Variants in HRH1 observed in about 807,000 individuals in gnomAD.
HRH1 encodes the protein histamine H1 receptor.
HRH1 carries 6 observed loss-of-function variants against 10.3 expected under a neutral mutation model. The observed-to-expected ratio is 0.58, with a 90% CI of 0.32 to 1.15. HRH1 has a LOEUF of 1.15. Among genes scored for constraint, HRH1 ranks in the 50% most tolerant of loss-of-function variants. The pLI is 0.05. For synonymous variants in HRH1, 242 were observed against 236.7 expected (o/e 1.02, Z -0.21); for missense variants, 514 against 615.3 (o/e 0.84, Z 1.74).
In HRH1 at chr3:11,256,244, A is replaced by G. The variant is rs1057458813; in HGVS notation, c.-35-2759A>G. Among the ~76,000 whole-genome samples the G allele has an allele frequency of 3.3e-5, 5 of 152,118 alleles. No homozygotes were observed. The South Asian group carries it at 8.3e-4, about 25-fold the overall frequency. The stretch of plus-strand genomic sequence containing the variant: ...CAATCAGAGGATTGCTCTGATTGGC[A>G]CCTCAGAGCTGGAGGACATCAAAAA... On this transcript the variant is annotated intron_variant, in intron 1 of 1. Transcript: ENST00000431010.
chr3:11,230,113 G>T (rs989782239), intron 1 of HRH1, among the ~76,000 whole-genome samples: 5 of 152,134 alleles, frequency 3.3e-5, no homozygotes, highest in African/African-American at 1.2e-4. Flanking sequence ...CCTCTAGAAG[G>T]CCAGTGACGG....
chr3:11,180,423 T>G (rs945741516), intron 1 of HRH1, among the ~76,000 whole-genome samples: 1 of 152,132 alleles, frequency 6.6e-6, no homozygotes, highest in Admixed American at 6.5e-5. Context: ...TCCCTCACAA[T>G]GCACAATTAT....
At chr3:11,189,722 G>A (rs552809494) in intron 1 of HRH1, among the ~76,000 whole-genome samples, 2 of 151,618 alleles carry the variant, frequency 1.3e-5, no homozygotes, top group South Asian at 2.1e-4. Flanking sequence ...ACTGGAGTTC[G>A]AGACCAGCCT....
intron 1 of HRH1, among the ~76,000 whole-genome samples, chr3:11,244,833 T>C (rs912594950): frequency 2.0e-5 from 3 of 152,216 alleles, no homozygotes; most frequent in East Asian, 3.8e-4. Context: ...AGTGTAGTAG[T>C]TCAGGGTGCA....
Position 11,232,645 on chromosome 3 carries a change from A to G in HRH1, c.-35-26358A>G, listed in dbSNP as rs566354286. Among the ~76,000 whole-genome samples the G allele has an allele frequency of 6.6e-5, 10 of 152,306 alleles. No homozygotes were observed. In the South Asian group the frequency reaches 2.1e-3, roughly 32 times the overall value. ...TCCACCTTTCCCTATACATTTTAGA[A>G]GAGTCTTGTCTATATCCGTAAGACA... On this transcript the variant is annotated intron_variant, in intron 1 of 1. Coordinates refer to ENST00000431010, the MANE Select transcript of HRH1 (RefSeq NM_001098212.2).
intron 1 of HRH1, among the ~76,000 whole-genome samples, chr3:11,247,381 T>C (rs760599846): frequency 6.6e-6 from 1 of 152,146 alleles, no homozygotes; most frequent in Non-Finnish European, 1.5e-5. Context: ...AAGAGCACAC[T>C]GAGCAGGGTA....
chr3:11,180,344 A>G (rs7615837), intron 1 of HRH1, among the ~76,000 whole-genome samples: 51,678 of 152,016 alleles, frequency 0.34, 12,720 homozygotes, highest in African/African-American at 0.69. Flanking sequence ...GGATGGTTTG[A>G]GGATGAAACT....
In HRH1 at chr3:11,228,817, G is replaced by A. The variant is rs190198694; in HGVS notation, c.-35-30186G>A. 6.9e-4 allele frequency among the ~76,000 whole-genome samples: 105 copies of A among 151,700 alleles called. No homozygotes were observed. In the East Asian group the frequency reaches 0.015, roughly 21 times the overall value. On this transcript the variant is annotated intron_variant, in intron 1 of 1. Coordinates refer to ENST00000431010, the MANE Select transcript of HRH1 (RefSeq NM_001098212.2). ...TTGTCCCAGCTACTCGGGAGGCTGC[G>A]ACAGGAGAATCGCTTGAACCCAGGA...
intron 1 of HRH1, among the ~76,000 whole-genome samples, chr3:11,191,890 C>A (rs2125021737): frequency 6.6e-6 from 1 of 152,352 alleles, no homozygotes; most frequent in African/African-American, 2.4e-5. Flanking sequence ...CCATGTATTT[C>A]CAAACATCCC....
chr3:11,157,983 T>C (rs1936848362), intron 1 of HRH1, among the ~76,000 whole-genome samples: 1 of 152,216 alleles, frequency 6.6e-6, no homozygotes. Flanking sequence ...GGCAGCACAT[T>C]TGTTTTATTC....
intron 1 of HRH1, among the ~76,000 whole-genome samples, chr3:11,209,995 G>A (rs1041623677): frequency 4.6e-5 from 7 of 152,336 alleles, no homozygotes; most frequent in East Asian, 3.9e-4. Context: ...TGCAGTTGTC[G>A]TGAGACACAG....
upstream of HRH1, among the ~76,000 whole-genome samples, chr3:11,150,600 C>A (rs917227888): frequency 2.0e-4 from 30 of 152,260 alleles, no homozygotes; most frequent in Non-Finnish European, 2.9e-5. Context: ...CTCCTCTGTG[C>A]AAATGCAAAG....
intron 1 of HRH1, among the ~76,000 whole-genome samples, chr3:11,168,848 C>G (rs1374781975): frequency 6.6e-6 from 1 of 152,240 alleles, no homozygotes; most frequent in Non-Finnish European, 1.5e-5. Flanking sequence ...AGTGATGTCT[C>G]TCTGGTTGGA....
intron 1 of HRH1, among the ~76,000 whole-genome samples, chr3:11,243,017 G>A (rs1056810287): frequency 6.6e-6 from 1 of 151,976 alleles, no homozygotes; most frequent in Non-Finnish European, 1.5e-5. Context: ...GGGTTCAAGT[G>A]ATTCTCCTGC....
At chr3:11,177,050 G>A (rs1979807) in intron 1 of HRH1, among the ~76,000 whole-genome samples, 29,179 of 151,184 alleles carry the variant, frequency 0.19, 5,284 homozygotes, top group African/African-American at 0.48. Context: ...ACAAGATTGC[G>A]CCACTGCACT....
intron 1 of HRH1, among the ~76,000 whole-genome samples, chr3:11,256,824 C>T (rs929441350): frequency 1.3e-5 from 2 of 152,008 alleles, no homozygotes; most frequent in African/African-American, 2.4e-5. Flanking sequence ...TAAATTTAGC[C>T]TTCTACTCAA....
chr3:11,157,782 A>G (rs1365010649), intron 1 of HRH1, among the ~76,000 whole-genome samples: 2 of 152,244 alleles, frequency 1.3e-5, no homozygotes, highest in African/African-American at 4.8e-5. Flanking sequence ...AGCAGAATGC[A>G]TGTTAGAAAC....
chr3:11,180,303 A>T (rs895955293), intron 1 of HRH1, among the ~76,000 whole-genome samples: 3 of 152,132 alleles, frequency 2.0e-5, no homozygotes, highest in African/African-American at 7.2e-5. Context: ...GTTTCATGGA[A>T]GACAATTTTT....
At chr3:11,180,588 G>A (rs996109318) in intron 1 of HRH1, among the ~76,000 whole-genome samples, 2 of 152,040 alleles carry the variant, frequency 1.3e-5, no homozygotes, top group African/African-American at 4.8e-5. Context: ...GCAGCCCAGG[G>A]GTTGGGTACC....
Sources: gnomAD v4.1 joint callset for allele counts (sites outside exome capture counted in the v4.1 genomes callset) on GRCh38, gnomAD v4.1.1 for gene constraint, MANE v1.5 for transcripts, NCBI Gene and HGNC (gene_info 2026-07-23, HGNC 2026-07-21) for gene names.